CPNE8: variants seen among roughly 807,000 people sequenced by gnomAD.
The protein encoded by CPNE8 is copine-8.
A neutral mutation model predicts 81.5 loss-of-function variants in CPNE8; 45 were observed. The ratio of observed to expected loss-of-function variants is 0.55; its 90% CI spans 0.44 to 0.71. The LOEUF (loss-of-function observed/expected upper bound fraction) is 0.71. Ranked by LOEUF, CPNE8 falls within the 30% of genes least tolerant of loss-of-function variation. CPNE8 has a pLI of 0.00. For synonymous variants in CPNE8, 252 were observed against 226.3 expected (o/e 1.11, Z -1.02); for missense variants, 594 against 672.1 (o/e 0.88, Z 1.28).
intron 3 of CPNE8, among the ~76,000 whole-genome samples, chr12:38,863,823 C>A (rs1465725742): frequency 6.6e-6 from 1 of 151,978 alleles, no homozygotes; most frequent in Non-Finnish European, 1.5e-5. Flanking sequence ...GAGGCCGAGG[C>A]GGGCGGATCA....
chr12:38,654,211 T>C (rs574202121), intron 19 of CPNE8, 141 bp from the exon 20 acceptor site: 2 of 1,191,950 alleles, frequency 1.7e-6, no homozygotes, highest in South Asian at 4.1e-5. Context: ...ACAATTATTA[T>C]ACATTTTTAA....
At chr12:38,789,766 C>T (rs1323078088) in intron 6 of CPNE8, among the ~76,000 whole-genome samples, 1 of 151,676 alleles carries the variant, frequency 6.6e-6, no homozygotes. Context: ...AATCTAATAA[C>T]CTCATTGAAA....
chr12:38,869,710 CTTAATTTGTAT>C, intron 3 of CPNE8, among the ~76,000 whole-genome samples: 1 of 152,258 alleles, frequency 6.6e-6, no homozygotes, highest in Non-Finnish European at 1.5e-5. Flanking sequence ...GAAAATGCCT[CTTAATTTGTAT>C]TTCCCCATCT....
chr12:38,807,608 G>A (rs1942839844), intron 6 of CPNE8, among the ~76,000 whole-genome samples: 1 of 151,274 alleles, frequency 6.6e-6, no homozygotes, highest in African/African-American at 2.4e-5. Flanking sequence ...AATTCAAGAT[G>A]GATTAAAGAC....
At chr12:38,730,562 C>A (rs1437869292) in intron 10 of CPNE8, among the ~76,000 whole-genome samples, 1 of 151,590 alleles carries the variant, frequency 6.6e-6, no homozygotes, top group African/African-American at 2.4e-5. Flanking sequence ...CGGACAATTT[C>A]ATTAATATTC....
chr12:38,733,266 T>C (rs374263248), intron 10 of CPNE8, among the ~76,000 whole-genome samples: 1 of 151,924 alleles, frequency 6.6e-6, no homozygotes, highest in Non-Finnish European at 1.5e-5. Flanking sequence ...TGACTTCAAA[T>C]ACTATACATT....
intron 12 of CPNE8, among the ~76,000 whole-genome samples, chr12:38,724,180 C>T (rs1940639474): frequency 6.6e-6 from 1 of 152,084 alleles, no homozygotes; most frequent in South Asian, 2.1e-4. Context: ...TGAGCAAAGC[C>T]TTCAAGAGGA....
chr12:38,748,843 A>G (rs1006338122), intron 10 of CPNE8, among the ~76,000 whole-genome samples: 71 of 152,310 alleles, frequency 4.7e-4, no homozygotes, highest in African/African-American at 1.5e-3. Flanking sequence ...AAAAATACCT[A>G]TCTCAGTTCA....
At chr12:38,669,084 G>A (rs561327219) in intron 19 of CPNE8, among the ~76,000 whole-genome samples, 10 of 151,586 alleles carry the variant, frequency 6.6e-5, no homozygotes, top group Admixed American at 2.6e-4. Context: ...ACACACACAC[G>A]CATAATGAGC....
rs563909126 is a variant in CPNE8, at chr12:38,700,309, G to C, written c.961+2566C>G. Among the ~76,000 whole-genome samples, 7 of 149,436 alleles carry C rather than the reference G, an allele frequency of 4.7e-5. No homozygotes were observed. In the South Asian group the frequency reaches 1.3e-3, roughly 27 times the overall value. ...GCTGGAGTGCAACGGCATGATCTCGGCTCACTGCAACATCCGCCTCCCAGG... is the reference window on the plus strand; with the variant it reads ...GCTGGAGTGCAACGGCATGATCTCGCCTCACTGCAACATCCGCCTCCCAGG... On this transcript the variant is annotated intron_variant, in intron 14 of 19. Coordinates refer to ENST00000331366, the MANE Select transcript of CPNE8 (RefSeq NM_153634.3).
At chr12:38,661,484 C>G (rs1234528032) in intron 19 of CPNE8, among the ~76,000 whole-genome samples, 1 of 151,954 alleles carries the variant, frequency 6.6e-6, no homozygotes, top group African/African-American at 2.4e-5. Flanking sequence ...GGAGAGAGAG[C>G]ATTAGGAGAA....
chr12:38,695,336 T>C (rs749670219), intron 14 of CPNE8, among the ~76,000 whole-genome samples: 3 of 152,142 alleles, frequency 2.0e-5, no homozygotes, highest in Non-Finnish European at 2.9e-5. Flanking sequence ...CTAACTTCAA[T>C]AAGAACCAAT....
chr12:38,740,495 G>A (rs1941072393), intron 10 of CPNE8, among the ~76,000 whole-genome samples: 2 of 152,168 alleles, frequency 1.3e-5, no homozygotes, highest in Non-Finnish European at 2.9e-5. Context: ...AATGCTTCCA[G>A]TTTTTGCCCA....
intron 5 of CPNE8, among the ~76,000 whole-genome samples, chr12:38,837,805 A>T (rs1943409801): frequency 6.6e-6 from 1 of 152,074 alleles, no homozygotes; most frequent in African/African-American, 2.4e-5. Context: ...TGAAAACCTG[A>T]TGAGGAGATA....
At position 38,653,693 on chromosome 12, in the gene CPNE8, C is replaced by A; in HGVS notation, c.*189G>T. The A allele has an allele frequency of 1.6e-6, 1 of 615,976 alleles. No individual in the cohort carries two copies. Among genetic ancestry groups the A allele is most frequent in the Non-Finnish European group, 2.3e-6 (1 of 432,380 alleles). The allele number at this position is 615,976 out of a possible 1,614,324, so 38.2% of individuals were successfully genotyped here. On this transcript the variant is annotated 3_prime_UTR_variant, in exon 20 of 20. Coordinates refer to ENST00000331366, the MANE Select transcript of CPNE8 (RefSeq NM_153634.3). ...AGCATTTAAACAATTTTTTCTGTTG[C>A]TCATGCAACAACCATATTTACAGTT...
intron 1 of CPNE8, among the ~76,000 whole-genome samples, chr12:38,904,872 G>T (rs1008752097): frequency 1.3e-5 from 2 of 152,106 alleles, no homozygotes; most frequent in Non-Finnish European, 2.9e-5. Context: ...GCATAGATTC[G>T]TCTGCAAGGA....
In CPNE8 at chr12:38,674,280, T is replaced by G. The variant is rs531967998; in HGVS notation, c.1432+1437A>C. Among the ~76,000 whole-genome samples, 7 of 152,196 alleles carry G rather than the reference T, an allele frequency of 4.6e-5. No individual in the cohort carries two copies. The East Asian group carries it at 1.2e-3, about 25-fold the overall frequency. On this transcript the variant is annotated intron_variant, in intron 18 of 19. Transcript: ENST00000331366. Reference sequence around the variant, plus strand: ...ATTTATGAATCAGGTGTGGGAGCTCTCAAAGAAAAAGAACTGATTGAGGTT... The same window carrying G: ...ATTTATGAATCAGGTGTGGGAGCTCGCAAAGAAAAAGAACTGATTGAGGTT...
chr12:38,798,901 A>T (rs1476335532), intron 6 of CPNE8, among the ~76,000 whole-genome samples: 2 of 152,224 alleles, frequency 1.3e-5, no homozygotes, highest in South Asian at 2.1e-4. Context: ...TTGAAATCCC[A>T]GTCTCTGATA....
At chr12:38,721,679 A>C (rs1038765507) in intron 13 of CPNE8, among the ~76,000 whole-genome samples, 2 of 152,208 alleles carry the variant, frequency 1.3e-5, no homozygotes, top group Non-Finnish European at 2.9e-5. Flanking sequence ...GGCATAGAGA[A>C]GGAGAGAATA....
Sources: gnomAD v4.1 joint callset for allele counts (sites outside exome capture counted in the v4.1 genomes callset) on GRCh38, gnomAD v4.1.1 for gene constraint, MANE v1.5 for transcripts, NCBI Gene and HGNC (gene_info 2026-07-23, HGNC 2026-07-21) for gene names.